MAF: variants seen among roughly 807,000 people sequenced by gnomAD.
MAF encodes MAF bZIP transcription factor, also known as transcription factor Maf.
MAF carries 10 observed loss-of-function variants against 22.0 expected under a neutral mutation model. That is an observed-to-expected ratio of 0.45 (90% CI 0.28 to 0.77). The LOEUF (loss-of-function observed/expected upper bound fraction) is 0.77. Ranked by LOEUF, MAF falls within the 30% of genes least tolerant of loss-of-function variation. The probability of loss-of-function intolerance (pLI) is 0.12; values close to 1 mark genes in which losing one functional copy is unlikely to be tolerated. For synonymous variants in MAF, 337 were observed against 255.8 expected (o/e 1.32, Z -3.03); for missense variants, 544 against 548.4 (o/e 0.99, Z 0.08).
the MAF span, among the ~76,000 whole-genome samples, chr16:79,306,690 C>A: frequency 1.3e-5 from 2 of 152,148 alleles, no homozygotes; most frequent in African/African-American, 4.8e-5. Flanking sequence ...TGATTGCCAG[C>A]AGGTTCATCA....
At chr16:79,267,950 C>A in the MAF span, among the ~76,000 whole-genome samples, 2 of 152,130 alleles carry the variant, frequency 1.3e-5, no homozygotes, top group African/African-American at 4.8e-5. Context: ...GGGGGCACGC[C>A]TTTCCCCTGG....
chr16:79,441,998 C>T, the MAF span, among the ~76,000 whole-genome samples: 1 of 152,176 alleles, frequency 6.6e-6, no homozygotes, highest in Non-Finnish European at 1.5e-5. Flanking sequence ...GGAGGGCAGA[C>T]ACAGCCATGG....
chr16:79,303,855 C>T, the MAF span, among the ~76,000 whole-genome samples: 1 of 152,090 alleles, frequency 6.6e-6, no homozygotes, highest in Non-Finnish European at 1.5e-5. Flanking sequence ...ATCAAAGACT[C>T]CTGTAATTTA....
At chr16:79,383,717 G>C in the MAF span, among the ~76,000 whole-genome samples, 1 of 152,012 alleles carries the variant, frequency 6.6e-6, no homozygotes, top group Non-Finnish European at 1.5e-5. Context: ...GTTTACGCTG[G>C]TCCTCTTTGA....
At chr16:79,342,335 G>A in the MAF span, among the ~76,000 whole-genome samples, 27 of 152,326 alleles carry the variant, frequency 1.8e-4, no homozygotes, top group South Asian at 1.0e-3. Context: ...TCACATCCAG[G>A]TGTGTCTTCA....
the MAF span, among the ~76,000 whole-genome samples, chr16:79,465,009 C>G: frequency 2.6e-5 from 4 of 152,174 alleles, no homozygotes; most frequent in African/African-American, 9.7e-5. Context: ...AGATGAACTT[C>G]TAGGTGGATA....
chr16:79,557,382 T>C, the MAF span, among the ~76,000 whole-genome samples: 94,540 of 151,792 alleles, frequency 0.62, 30,162 homozygotes, highest in Non-Finnish European at 0.69. Context: ...TTTCCAGACT[T>C]TCAGGTGTAG....
At chr16:79,289,930 C>G in the MAF span, among the ~76,000 whole-genome samples, 8 of 142,704 alleles carry the variant, frequency 5.6e-5, no homozygotes, top group African/African-American at 2.1e-4. Context: ...AGTCTCAGCT[C>G]ACTGCAACCT....
At chr16:79,326,250 T>C in the MAF span, among the ~76,000 whole-genome samples, 4 of 152,210 alleles carry the variant, frequency 2.6e-5, no homozygotes, top group African/African-American at 7.2e-5. Flanking sequence ...ATCAACCTCA[T>C]AGGGCTGTAG....
the MAF span, among the ~76,000 whole-genome samples, chr16:79,515,433 A>G: frequency 2.0e-5 from 3 of 152,222 alleles, no homozygotes; most frequent in Non-Finnish European, 4.4e-5. Flanking sequence ...TAGTCAATGA[A>G]TTTCCTAAGT....
At chr16:79,380,948 T>C in the MAF span, among the ~76,000 whole-genome samples, 6 of 152,236 alleles carry the variant, frequency 3.9e-5, no homozygotes. Context: ...AGGAATGTGA[T>C]AGGAAGTATC....
the MAF span, among the ~76,000 whole-genome samples, chr16:79,561,327 T>TA: frequency 6.7e-6 from 1 of 149,834 alleles, no homozygotes; most frequent in East Asian, 1.9e-4. Flanking sequence ...TTTTTTTTTT[T>TA]ATATATACTT....
At chr16:79,398,582 G>A in the MAF span, among the ~76,000 whole-genome samples, 1 of 152,062 alleles carries the variant, frequency 6.6e-6, no homozygotes, top group Non-Finnish European at 1.5e-5. Flanking sequence ...GAAGTCTGAT[G>A]GTATCAACAT....
At chr16:79,223,016 G>T in the MAF span, among the ~76,000 whole-genome samples, 1 of 152,158 alleles carries the variant, frequency 6.6e-6, no homozygotes, top group Admixed American at 6.5e-5. Context: ...GGACCAAGCA[G>T]ATCTAATAGA....
the MAF span, among the ~76,000 whole-genome samples, chr16:79,311,513 AAAC>A: frequency 6.6e-6 from 1 of 151,696 alleles, no homozygotes; most frequent in African/African-American, 2.4e-5. Flanking sequence ...AAAAAAAAAA[AAAC>A]ATTATGTCTG....
At chr16:79,592,364 A>T (rs1049627558), downstream of MAF, among the ~76,000 whole-genome samples, 1 of 152,192 alleles carries the variant, frequency 6.6e-6, no homozygotes, top group East Asian at 1.9e-4. Flanking sequence ...TGCTAGACAG[A>T]GCTGGGTTTG....
the MAF span, among the ~76,000 whole-genome samples, chr16:79,519,683 C>A: frequency 6.6e-6 from 1 of 152,210 alleles, no homozygotes; most frequent in Non-Finnish European, 1.5e-5. Context: ...TCTCGTATAC[C>A]CAAGTATCCT....
chr16:79,506,228 T>C, the MAF span, among the ~76,000 whole-genome samples: 1 of 152,242 alleles, frequency 6.6e-6, no homozygotes, highest in Non-Finnish European at 1.5e-5. Flanking sequence ...CCTTTCTTTG[T>C]ATTCCATTTC....
the MAF span, among the ~76,000 whole-genome samples, chr16:79,462,569 G>A: frequency 6.6e-5 from 10 of 151,894 alleles, no homozygotes; most frequent in African/African-American, 1.7e-4. Context: ...ATATACATGT[G>A]CACAAACATG....
Sources: allele counts gnomAD v4.1 joint callset (sites outside exome capture counted in the v4.1 genomes callset), GRCh38; gene constraint gnomAD v4.1.1; transcripts MANE v1.5; gene names NCBI Gene and HGNC (gene_info 2026-07-23, HGNC 2026-07-21).